The following ARHGAP42 variants were observed in gnomAD, a reference collection of about 807,000 sequenced individuals.
ARHGAP42 encodes the protein Rho GTPase activating protein 42.
Under a neutral mutation model 125.0 loss-of-function variants are expected in ARHGAP42, and 63 were observed. The ratio of observed to expected loss-of-function variants is 0.50; its 90% confidence interval spans 0.41 to 0.62. The LOEUF is 0.62. Ranked by LOEUF, ARHGAP42 falls within the 20% of genes least tolerant of loss-of-function variation. ARHGAP42 has a pLI of 0.00. For synonymous variants in ARHGAP42, 339 were observed against 351.0 expected (o/e 0.97, Z 0.38); for missense variants, 766 against 1,024.2 (o/e 0.75, Z 3.44).
At chr11:100,914,030 G>A (rs1300549487) in intron 5 of ARHGAP42, among the ~76,000 whole-genome samples, 1 of 152,212 alleles carries the variant, frequency 6.6e-6, no homozygotes, top group East Asian at 1.9e-4. Context: ...TGCCTCCTGG[G>A]TTCAAGCAAT....
At chr11:100,722,489 C>T (rs1208896718) in intron 1 of ARHGAP42, among the ~76,000 whole-genome samples, 1 of 151,176 alleles carries the variant, frequency 6.6e-6, no homozygotes, top group African/African-American at 2.4e-5. Flanking sequence ...CTCCCAGGTT[C>T]AAGTGATTCT....
intron 3 of ARHGAP42, among the ~76,000 whole-genome samples, chr11:100,844,299 C>A (rs1865011371): frequency 6.6e-6 from 1 of 152,068 alleles, no homozygotes; most frequent in Non-Finnish European, 1.5e-5. Context: ...AAAATCAACT[C>A]AAGATGTATC....
chr11:100,911,504 G>T (rs1406934033), intron 4 of ARHGAP42, among the ~76,000 whole-genome samples: 3 of 152,046 alleles, frequency 2.0e-5, no homozygotes, highest in African/African-American at 7.2e-5. Flanking sequence ...GAAATTGGAA[G>T]AAATGAGCAT....
intron 1 of ARHGAP42, among the ~76,000 whole-genome samples, chr11:100,758,551 TG>T (rs898340714): frequency 3.9e-5 from 6 of 152,194 alleles, no homozygotes; most frequent in Non-Finnish European, 8.8e-5. Flanking sequence ...CATCATAAAA[TG>T]ATGAGTTATC....
At chr11:100,954,358 C>A (rs570132145) in intron 12 of ARHGAP42, among the ~76,000 whole-genome samples, 1 of 152,246 alleles carries the variant, frequency 6.6e-6, no homozygotes, top group South Asian at 2.1e-4. Flanking sequence ...TAATAAAAGT[C>A]AATATTTATG....
chr11:100,756,745 A>ATTG (rs1378172642), intron 1 of ARHGAP42, among the ~76,000 whole-genome samples: 5 of 152,222 alleles, frequency 3.3e-5, no homozygotes, highest in Non-Finnish European at 5.9e-5. Context: ...ACAAGTTGAC[A>ATTG]CAGTTGGAAT....
rs947181305 is a variant in ARHGAP42, at chr11:100,816,684, A to G, written c.312+21518A>G. On this transcript the variant is annotated intron_variant, in intron 3 of 23. Transcript: ENST00000298815. ...TTTTAATTGGCAACAGTTAGTTAAC[A>G]ATAATTTCCTTTGCCTTTTATTCTT... The G allele has an allele frequency of 8.5e-5, 13 of 152,228 alleles. 1 individual carries two copies. Among genetic ancestry groups the G allele is most frequent in the African/African-American group, 3.1e-4 (13 of 41,472 alleles). 9.4% of individuals were successfully genotyped at this position (152,228 alleles called of 1,614,324 possible). A position where few individuals can be genotyped will look rare whatever the true frequency, so the allele number is the denominator to read the frequency against.
intron 3 of ARHGAP42, among the ~76,000 whole-genome samples, chr11:100,798,960 T>G (rs1229054559): frequency 1.3e-5 from 2 of 152,320 alleles, no homozygotes; most frequent in Non-Finnish European, 1.5e-5. Context: ...GTTGTAGAAA[T>G]GAACTTGGAC....
At chr11:100,864,930 A>G (rs1330550829) in intron 4 of ARHGAP42, among the ~76,000 whole-genome samples, 1 of 152,220 alleles carries the variant, frequency 6.6e-6, no homozygotes, top group African/African-American at 2.4e-5. Flanking sequence ...TTCATTAGAG[A>G]TAACAGACTT....
chr11:100,715,377 G>A (rs1253215693), intron 1 of ARHGAP42, among the ~76,000 whole-genome samples: 9 of 152,112 alleles, frequency 5.9e-5, no homozygotes, highest in Admixed American at 3.9e-4. Flanking sequence ...ATCCCCTGGA[G>A]TATAAAACCT....
intron 8 of ARHGAP42, among the ~76,000 whole-genome samples, chr11:100,940,006 G>A (rs910261958): frequency 2.6e-5 from 4 of 152,078 alleles, no homozygotes; most frequent in Non-Finnish European, 5.9e-5. Flanking sequence ...TAATTAGCTC[G>A]TAAGTCTTTA....
intron 3 of ARHGAP42, among the ~76,000 whole-genome samples, chr11:100,827,983 T>C (rs1177646805): frequency 2.0e-5 from 3 of 152,162 alleles, no homozygotes; most frequent in Non-Finnish European, 2.9e-5. Context: ...TTCCTAAGTG[T>C]TCAGAAAAGC....
At chr11:100,928,988 T>C (rs914887719) in intron 6 of ARHGAP42, among the ~76,000 whole-genome samples, 4 of 152,200 alleles carry the variant, frequency 2.6e-5, no homozygotes, top group Non-Finnish European at 4.4e-5. Flanking sequence ...ATTGTATGGA[T>C]AGACCACATT....
At chr11:100,956,800 T>C (rs1165400880) in intron 12 of ARHGAP42, among the ~76,000 whole-genome samples, 1 of 152,124 alleles carries the variant, frequency 6.6e-6, no homozygotes, top group African/African-American at 2.4e-5. Context: ...TTATGCCTGA[T>C]CTATGTCTGT....
chr11:100,905,123 C>G (rs904424049), intron 4 of ARHGAP42, among the ~76,000 whole-genome samples: 1 of 152,224 alleles, frequency 6.6e-6, no homozygotes, highest in Non-Finnish European at 1.5e-5. Context: ...TTCTCCTCCT[C>G]TCTTGCTATC....
At chr11:100,979,122 C>A in intron 22 of ARHGAP42, 73 bp downstream of exon 22, 1 of 1,407,582 alleles carries the variant, frequency 7.1e-7, no homozygotes, top group South Asian at 1.2e-5. Context: ...ACATGACACT[C>A]TCTGTGACAG....
chr11:100,934,009 A>T (rs1005911519), intron 7 of ARHGAP42, among the ~76,000 whole-genome samples: 15 of 152,092 alleles, frequency 9.9e-5, no homozygotes, highest in African/African-American at 2.9e-4. Context: ...CTGGTCTCGA[A>T]CTCCCGACCT....
intron 1 of ARHGAP42, among the ~76,000 whole-genome samples, chr11:100,692,557 T>G (rs1480281448): frequency 6.6e-6 from 1 of 152,218 alleles, no homozygotes; most frequent in African/African-American, 2.4e-5. Flanking sequence ...GATGAAGGCC[T>G]TCCTTCCATC....
chr11:100,918,263 C>T (rs1307141213), intron 5 of ARHGAP42, among the ~76,000 whole-genome samples: 2 of 152,186 alleles, frequency 1.3e-5, no homozygotes, highest in Non-Finnish European at 2.9e-5. Context: ...AAACTCTTCT[C>T]ATTTTATCTG....
Sources: gnomAD v4.1 joint callset for allele counts (sites outside exome capture counted in the v4.1 genomes callset) on GRCh38, gnomAD v4.1.1 for gene constraint, MANE v1.5 for transcripts, NCBI Gene and HGNC (gene_info 2026-07-23, HGNC 2026-07-21) for gene names.